Variants in KLF10 observed in about 807,000 individuals in gnomAD.
KLF10 encodes KLF transcription factor 10, also known as Krueppel-like factor 10.
KLF10 carries 17 observed loss-of-function variants against 31.6 expected under a neutral mutation model. The observed-to-expected ratio is 0.54, with a 90% CI of 0.37 to 0.81. The LOEUF is 0.81. Ranked by LOEUF, KLF10 falls within the 30% of genes least tolerant of loss-of-function variation. KLF10 has a pLI of 0.00. For missense variants in KLF10, 525 were observed against 598.1 expected (o/e 0.88, Z 1.27); for synonymous variants, 239 against 215.1 (o/e 1.11, Z -0.97).
chr8:102,652,472 T>A (rs1042740804), intron 1 of KLF10, 75 bp from the exon 2 acceptor site: 3 of 438,042 alleles, frequency 6.8e-6, no homozygotes, highest in South Asian at 5.0e-5. Flanking sequence ...ATGAGCAAAT[T>A]TTTTTTTTTT....
At chr8:102,653,883 G>C in intron 1 of KLF10, 5 of 917,546 alleles carry the variant, frequency 5.4e-6, no homozygotes, top group Non-Finnish European at 6.5e-6. Flanking sequence ...GCGGGCGGGG[G>C]AGGCAGACGA....
chr8:102,651,675 A>G lies in KLF10; in HGVS notation c.657T>C (p.Asp219=). The change falls in exon 3 of 4, where the codon GAT becomes GAC. Residue 219 remains aspartate, a synonymous_variant. Coordinates refer to ENST00000285407, the MANE Select transcript of KLF10 (RefSeq NM_005655.4). ...RSKCERNTVA[D]VDEKASAALY... ...GTGCAGCACTTGCTTTCTCATCAAC[A>G]TCTGCCACTGTGTTTCTCTCACATT... The G allele has an allele frequency of 6.2e-7, 1 of 1,614,218 alleles. No individual in the cohort carries two copies. Among genetic ancestry groups the G allele is most frequent in the Non-Finnish European group, 8.5e-7 (1 of 1,180,034 alleles).
In KLF10 at chr8:102,651,766, GTTC is replaced by G. The variant is rs773117149; in HGVS notation, c.563_565del (p.Arg188del). ...TCTTGCAGCCTCAACATTTAGGTGG[GTTC>G]TTCTTCTAAAAGAATTGTTCTGATA... On this transcript the variant is annotated inframe_deletion, in exon 3 of 4. Transcript: ENST00000285407. 31 of 1,614,112 alleles carry G rather than the reference GTTC, an allele frequency of 1.9e-5. No homozygotes were observed. Among genetic ancestry groups the G allele is most frequent in the South Asian group, 6.6e-5 (6 of 91,090 alleles).
intron 1 of KLF10, among the ~76,000 whole-genome samples, chr8:102,654,892 C>A (rs2131085590): frequency 6.6e-6 from 1 of 152,272 alleles, no homozygotes; most frequent in Non-Finnish European, 1.5e-5. Flanking sequence ...GTAAGAGTCC[C>A]CCTCCAGACG....
intron 1 of KLF10, chr8:102,653,533 G>A (rs184991368): frequency 1.4e-5 from 21 of 1,498,008 alleles, no homozygotes; most frequent in Non-Finnish European, 1.8e-6. Context: ...TAGAGATTGT[G>A]TAAAAATACC....
rs1827170258 is a variant in KLF10, at chr8:102,650,172, T to C, written c.1403A>G (p.Asn468Ser). ...PNWQMEVSKLNDIALPPTPAP... is the reference protein window; with the variant it reads ...PNWQMEVSKLSDIALPPTPAP... The stretch of plus-strand genomic sequence containing the variant: ...AGGGGTTGGAGGTAGAGCAATGTCA[T>C]TTAGCTTGCTCACTTCCATCTGCCA... The change falls in exon 4 of 4, where the codon AAT becomes AGT. Residue 468 changes from asparagine (N) to serine (S), a missense_variant. Physicochemically the swap from Asn to Ser is conservative, Grantham distance 46. Around this residue, in one of 3 missense-constraint regions of KLF10, gnomAD observed 42 missense variants for 42.4 expected, o/e 0.99. Transcript: ENST00000285407. The C allele has an allele frequency of 6.2e-7, 1 of 1,614,106 alleles. No individual in the cohort carries two copies. Among genetic ancestry groups the C allele is most frequent in the Admixed American group, 1.7e-5 (1 of 60,006 alleles).
chr8:102,653,876 G>A (rs1827285362), intron 1 of KLF10: 2 of 956,488 alleles, frequency 2.1e-6, no homozygotes, highest in Non-Finnish European at 2.5e-6. Flanking sequence ...CGGAGGCGCG[G>A]GCGGGGGAGG....
At chr8:102,653,424 T>C (rs1428896144) in intron 1 of KLF10, 4 of 1,485,588 alleles carry the variant, frequency 2.7e-6, no homozygotes, top group Non-Finnish European at 3.6e-6. Flanking sequence ...TAATGTTTTA[T>C]AGTAAAGTTC....
Position 102,655,717 on chromosome 8 carries a change from G to C in KLF10, c.-116C>G, listed in dbSNP as rs530859184. On this transcript the variant is annotated 5_prime_UTR_variant, in exon 1 of 4. Coordinates refer to ENST00000285407, the MANE Select transcript of KLF10 (RefSeq NM_005655.4). ...CGCTCCCGCCGCCGCCGCGCTCAGC[G>C]CCGTCTGCCCCCTCCCCATTCAGGT... 19 of 1,224,842 alleles carry C rather than the reference G, an allele frequency of 1.6e-5. No homozygotes were observed. The highest frequency in any genetic ancestry group is 2.2e-5 in the Non-Finnish European group (19 of 853,120). The allele number at this position is 1,224,842 out of a possible 1,614,324, so 75.9% of individuals were successfully genotyped here.
rs78882237 is a variant in KLF10 at position 102,651,459 on chromosome 8, G to A, written c.873C>T (p.Pro291=). 4 of 1,613,846 alleles carry A rather than the reference G, an allele frequency of 2.5e-6. No individual in the cohort carries two copies. The East Asian group carries it at 6.7e-5, about 27-fold the overall frequency. The part of the protein sequence containing the change: ...ANNPVVTTVV[P]STPPSQPPAV... Reference sequence around the variant, plus strand: ...CTGGTGGCTGGCTGGGAGGAGTGCTGGGAACGACTGTTGTCACAACAGGGT... The same window carrying A: ...CTGGTGGCTGGCTGGGAGGAGTGCTAGGAACGACTGTTGTCACAACAGGGT... Residue 291 remains proline (P), a synonymous_variant, in exon 3 of 4, where the codon CCC becomes CCT. Transcript: ENST00000285407.
rs770739597 is a variant in KLF10, at chr8:102,651,131, A to G, written c.1183+18T>C. The G allele has an allele frequency of 7.4e-6, 11 of 1,494,414 alleles. No homozygotes were observed. Among genetic ancestry groups the G allele is most frequent in the Admixed American group, 4.8e-5 (2 of 41,352 alleles). The allele number at this position is 1,494,414 out of a possible 1,614,324, so 92.6% of individuals were successfully genotyped here. A position where few individuals can be genotyped will look rare whatever the true frequency, so the allele number is the denominator to read the frequency against. On this transcript the variant is annotated intron_variant, in intron 3 of 3. Coordinates refer to ENST00000285407, the MANE Select transcript of KLF10 (RefSeq NM_005655.4). ...ATCTCTTCATTTAAACACTAAAGAT[A>G]TAAGAAGTGGCTGGTACCTGTGTGC...
chr8:102,652,469 A>ATTT, intron 1 of KLF10, 72 bp from the exon 2 acceptor site: 1 of 660,512 alleles, frequency 1.5e-6, no homozygotes, highest in Non-Finnish European at 2.3e-6. Flanking sequence ...AAAATGAGCA[A>ATTT]ATTTTTTTTT....
At position 102,651,335 on chromosome 8, in the gene KLF10, C is replaced by G. The variant is rs1827203420; in HGVS notation, c.997G>C (p.Val333Leu). The change falls in exon 3 of 4, where the codon GTG (valine) becomes CTG (leucine). Residue 333 changes from valine (V) to leucine (L), a missense_variant. Coordinates refer to ENST00000285407, the MANE Select transcript of KLF10 (RefSeq NM_005655.4). ...AGTCTGGTGCCATTCGGGCTCACCA[C>G]CGGAGGCTTTGAACTCTGCACAACG... ...QPVVQSSKPP[V>L]VSPNGTRLSP... 1.3e-6 allele frequency: 2 copies of G among 1,596,868 alleles called. No homozygotes were observed. The highest frequency in any genetic ancestry group is 3.5e-5 in the Admixed American group (2 of 57,664).
intron 1 of KLF10, chr8:102,653,464 A>G (rs1359747781): frequency 1.3e-6 from 2 of 1,548,108 alleles, no homozygotes; most frequent in Non-Finnish European, 1.7e-6. Context: ...AAATGGTACT[A>G]CTCACCATTT....
At chr8:102,653,347 A>G in intron 1 of KLF10, 1 of 823,798 alleles carries the variant, frequency 1.2e-6, no homozygotes. Flanking sequence ...AATCTATTTT[A>G]ATTCCTTAAA....
At chr8:102,652,420 C>G in intron 1 of KLF10, 23 bp from the exon 2 acceptor site, 1 of 1,391,986 alleles carries the variant, frequency 7.2e-7, no homozygotes, top group Non-Finnish European at 9.7e-7. Flanking sequence ...AAGAGGAAAG[C>G]TTATAAGCAT....
At position 102,651,325 on chromosome 8, in the gene KLF10, G is replaced by A. The variant is rs778787697; in HGVS notation, c.1007C>T (p.Pro336Leu). ...AATGGGAGAGAGTCTGGTGCCATTC[G>A]GGCTCACCACCGGAGGCTTTGAACT... ...VQSSKPPVVS[P>L]NGTRLSPIAP... Residue 336 changes from proline (P) to leucine (L), a missense_variant, in exon 3 of 4, where the codon CCG becomes CTG. Coordinates refer to ENST00000285407, the MANE Select transcript of KLF10 (RefSeq NM_005655.4). The A allele has an allele frequency of 1.3e-5, 20 of 1,598,568 alleles. No individual in the cohort carries two copies. Among genetic ancestry groups the A allele is most frequent in the Middle Eastern group, 1.7e-4 (1 of 5,958 alleles).
At chr8:102,653,803 AGGAAGGGAAACAG>A in intron 1 of KLF10, 1 of 1,038,012 alleles carries the variant, frequency 9.6e-7, no homozygotes, top group Non-Finnish European at 1.2e-6. Flanking sequence ...TGGGAAGGAC[AGGAAGGGAAACAG>A]GGAGGGGAGG....
chr8:102,653,435 T>C, intron 1 of KLF10: 1 of 1,526,682 alleles, frequency 6.6e-7, no homozygotes, highest in Non-Finnish European at 8.8e-7. Context: ...AGTAAAGTTC[T>C]TTGAACTACG....
Sources: allele counts gnomAD v4.1 joint callset (sites outside exome capture counted in the v4.1 genomes callset), GRCh38; gene constraint gnomAD v4.1.1; regional missense constraint gnomAD v4.1.1; transcripts MANE v1.5; gene names NCBI Gene and HGNC (gene_info 2026-07-23, HGNC 2026-07-21).